CDH9: variants seen among roughly 807,000 people sequenced by gnomAD.
CDH9 encodes cadherin 9.
CDH9 carries 28 observed loss-of-function variants against 70.9 expected under a neutral mutation model. The observed-to-expected ratio is 0.40, with a 90% CI of 0.29 to 0.54. The LOEUF (loss-of-function observed/expected upper bound fraction) is 0.54. Ranked by LOEUF, CDH9 falls within the 20% of genes least tolerant of loss-of-function variation. The probability of loss-of-function intolerance (pLI) is 0.59; values close to 1 mark genes in which losing one functional copy is unlikely to be tolerated. For missense variants in CDH9, 874 were observed against 984.4 expected, an observed-to-expected ratio of 0.89 and a Z score of 1.50; for synonymous variants, 409 against 343.1, an observed-to-expected ratio of 1.19 and a Z score of -2.12.
chr5:27,022,705 C>T (rs938215221), intron 1 of CDH9, among the ~76,000 whole-genome samples: 1 of 151,970 alleles, frequency 6.6e-6, no homozygotes, highest in Non-Finnish European at 1.5e-5. Context: ...CTGAATATGT[C>T]GGACAATAAT....
At chr5:26,930,212 G>GT (rs998600611) in intron 2 of CDH9, among the ~76,000 whole-genome samples, 5 of 151,840 alleles carry the variant, frequency 3.3e-5, no homozygotes, top group African/African-American at 1.2e-4. Flanking sequence ...AATCAAGTTT[G>GT]TTTTTTTAAA....
chr5:26,985,205 A>T (rs2112088474), intron 2 of CDH9, among the ~76,000 whole-genome samples: 1 of 152,112 alleles, frequency 6.6e-6, no homozygotes, highest in African/African-American at 2.4e-5. Flanking sequence ...TGCTATATAC[A>T]CGCAATTCTA....
intron 11 of CDH9, among the ~76,000 whole-genome samples, chr5:26,885,039 C>T (rs1740537794): frequency 6.6e-6 from 1 of 152,144 alleles, no homozygotes; most frequent in African/African-American, 2.4e-5. Flanking sequence ...GGGAAAATGT[C>T]TAACTTACTG....
intron 7 of CDH9, among the ~76,000 whole-genome samples, chr5:26,894,625 C>T (rs530548847): frequency 8.5e-5 from 13 of 152,142 alleles, no homozygotes; most frequent in African/African-American, 2.9e-4. Context: ...AGCAGCCAAA[C>T]TTCTATTTTC....
chr5:26,944,348 C>T (rs1196393812), intron 2 of CDH9, among the ~76,000 whole-genome samples: 1 of 151,868 alleles, frequency 6.6e-6, no homozygotes, highest in Non-Finnish European at 1.5e-5. Flanking sequence ...TCCAAAATAT[C>T]TTGTCTCTAA....
intron 9 of CDH9, 131 bp downstream of exon 9, chr5:26,889,705 A>G: frequency 1.8e-6 from 1 of 553,076 alleles, no homozygotes; most frequent in Non-Finnish European, 3.1e-6. Context: ...TTCTTTGTTA[A>G]GGATAAATGG....
intron 2 of CDH9, among the ~76,000 whole-genome samples, chr5:26,946,569 C>T (rs73073548): frequency 0.13 from 19,712 of 151,964 alleles, 4,275 homozygotes; most frequent in African/African-American, 0.45. Flanking sequence ...TCTCACCAAC[C>T]GAATTTAAAG....
chr5:27,032,451 C>G (rs1743324344), intron 1 of CDH9, among the ~76,000 whole-genome samples: 1 of 151,488 alleles, frequency 6.6e-6, no homozygotes, highest in African/African-American at 2.4e-5. Context: ...TTATTTAATG[C>G]TAGTGTATGA....
chr5:26,897,599 C>A (rs1389664836), intron 7 of CDH9, among the ~76,000 whole-genome samples: 1 of 152,036 alleles, frequency 6.6e-6, no homozygotes, highest in Admixed American at 6.6e-5. Flanking sequence ...GAAGGAAAGG[C>A]CTTCAATAAA....
intron 1 of CDH9, among the ~76,000 whole-genome samples, chr5:26,998,815 A>G (rs776249935): frequency 8.5e-5 from 13 of 152,310 alleles, no homozygotes; most frequent in East Asian, 1.9e-4. Context: ...GAAGTATTCA[A>G]TTTCACCACA....
At position 26,889,954 on chromosome 5, in the gene CDH9, T is replaced by A; in HGVS notation, c.1394A>T (p.Asn465Ile). 6.2e-7 allele frequency: 1 copy of A among 1,609,596 alleles called. No individual in the cohort carries two copies. Among genetic ancestry groups the A allele is most frequent in the Non-Finnish European group, 8.5e-7 (1 of 1,178,070 alleles). The change falls in exon 9 of 12, where the codon AAC becomes ATC. Residue 465 changes from asparagine to isoleucine, a missense_variant. Coordinates refer to ENST00000231021, the MANE Select transcript of CDH9 (RefSeq NM_016279.4). Reference protein sequence around the residue: ...NITVTATEINNPKQSSHIPVF... With the variant: ...NITVTATEINIPKQSSHIPVF... ...AGGGATGTGGCTACTTTGTTTTGGG[T>A]TATCTGCAACGAGAACACGTGTAAG...
chr5:26,940,922 G>A (rs1431704606), intron 2 of CDH9, among the ~76,000 whole-genome samples: 1 of 152,184 alleles, frequency 6.6e-6, no homozygotes, highest in Non-Finnish European at 1.5e-5. Flanking sequence ...CTCCCATAGC[G>A]TGTTACTGAA....
At chr5:26,921,040 T>C (rs983523152) in intron 2 of CDH9, among the ~76,000 whole-genome samples, 1 of 152,148 alleles carries the variant, frequency 6.6e-6, no homozygotes, top group African/African-American at 2.4e-5. Context: ...GTACTAATTC[T>C]GGAAAGACAG....
intron 3 of CDH9, among the ~76,000 whole-genome samples, chr5:26,914,118 T>G (rs777294318): frequency 3.3e-5 from 5 of 152,044 alleles, no homozygotes; most frequent in Non-Finnish European, 5.9e-5. Flanking sequence ...TTATCTTAAT[T>G]ATACTTTTTA....
chr5:26,973,535 A>C (rs1408543398), intron 2 of CDH9, among the ~76,000 whole-genome samples: 3 of 152,160 alleles, frequency 2.0e-5, no homozygotes, highest in African/African-American at 7.2e-5. Context: ...GACCGAATTT[A>C]AATTTATTGC....
chr5:26,958,778 C>G (rs1206221718), intron 2 of CDH9, among the ~76,000 whole-genome samples: 1 of 151,934 alleles, frequency 6.6e-6, no homozygotes, highest in African/African-American at 2.4e-5. Flanking sequence ...AATGCTTTAT[C>G]TAATAAAAAG....
chr5:26,948,688 C>G (rs1741794714), intron 2 of CDH9, among the ~76,000 whole-genome samples: 1 of 152,116 alleles, frequency 6.6e-6, no homozygotes, highest in African/African-American at 2.4e-5. Context: ...TGGAAAGAAT[C>G]AAGGAAACAT....
intron 3 of CDH9, among the ~76,000 whole-genome samples, chr5:26,910,487 TTCTC>T (rs1298759205): frequency 3.9e-5 from 6 of 152,192 alleles, no homozygotes; most frequent in Admixed American, 6.6e-5. Context: ...TGTAAAAGCT[TTCTC>T]TCTCTCACAC....
At chr5:26,904,506 G>A (rs994697327) in intron 5 of CDH9, among the ~76,000 whole-genome samples, 2 of 152,080 alleles carry the variant, frequency 1.3e-5, no homozygotes, top group East Asian at 3.9e-4. Context: ...AAGGTCTAAA[G>A]GCTTATATGC....
Sources: gnomAD v4.1 joint callset for allele counts (sites outside exome capture counted in the v4.1 genomes callset) on GRCh38, gnomAD v4.1.1 for gene constraint, MANE v1.5 for transcripts, NCBI Gene and HGNC (gene_info 2026-07-23, HGNC 2026-07-21) for gene names.